Variants in UMAD1 observed in about 807,000 individuals in gnomAD.
UMAD1 encodes UBAP1-MVB12-associated (UMA) domain containing 1.
UMAD1 carries 8 observed loss-of-function variants against 6.1 expected under a neutral mutation model. The observed-to-expected ratio is 1.30, with a 90% CI of 0.76 to 2.35. The LOEUF (loss-of-function observed/expected upper bound fraction) is 2.35. Among genes scored for constraint, UMAD1 ranks in the 30% most tolerant of loss-of-function variants. UMAD1 has a pLI of 0.00. For synonymous variants in UMAD1, 56 were observed against 31.4 expected (o/e 1.78, Z -2.61); for missense variants, 130 against 78.4 (o/e 1.66, Z -2.49).
intron 2 of UMAD1, among the ~76,000 whole-genome samples, chr7:7,696,780 T>C (rs1484499333): frequency 6.6e-6 from 1 of 152,164 alleles, no homozygotes. Context: ...ATTAACTCTA[T>C]AGGTAGGGCC....
chr7:7,836,276 A>G (rs76972562), intron 3 of UMAD1, among the ~76,000 whole-genome samples: 153 of 152,036 alleles, frequency 1.0e-3, no homozygotes, highest in African/African-American at 3.1e-3. Flanking sequence ...AAGCTCTTGG[A>G]TATTTAAAAG....
intron 2 of UMAD1, among the ~76,000 whole-genome samples, chr7:7,781,265 T>C (rs553686108): frequency 3.9e-5 from 6 of 152,294 alleles, no homozygotes; most frequent in African/African-American, 1.4e-4. Context: ...TTCATTTTTG[T>C]TTTAATGAAT....
intron 3 of UMAD1, among the ~76,000 whole-genome samples, chr7:7,817,827 T>C (rs1170854095): frequency 6.6e-6 from 1 of 152,120 alleles, no homozygotes; most frequent in Admixed American, 6.5e-5. Context: ...CACCCCCTTT[T>C]CTTTGAGACA....
At chr7:7,675,507 C>A (rs1020921233) in intron 2 of UMAD1, among the ~76,000 whole-genome samples, 3 of 152,174 alleles carry the variant, frequency 2.0e-5, no homozygotes, top group Admixed American at 2.0e-4. Flanking sequence ...GTATTATCTA[C>A]TATGGATCTC....
intron 2 of UMAD1, among the ~76,000 whole-genome samples, chr7:7,687,657 CT>C (rs1211541183): frequency 6.6e-6 from 1 of 152,200 alleles, no homozygotes; most frequent in African/African-American, 2.4e-5. Flanking sequence ...CTGCCAAACT[CT>C]GGTTGTCAGT....
At chr7:7,788,026 C>A (rs1226872294) in intron 2 of UMAD1, among the ~76,000 whole-genome samples, 1 of 152,162 alleles carries the variant, frequency 6.6e-6, no homozygotes, top group East Asian at 1.9e-4. Flanking sequence ...CGCAATGCAC[C>A]AGTCGGGAAA....
chr7:7,767,193 C>T (rs1421851393), intron 2 of UMAD1, among the ~76,000 whole-genome samples: 3 of 145,100 alleles, frequency 2.1e-5, no homozygotes, highest in Non-Finnish European at 4.5e-5. Flanking sequence ...GGCACAATCT[C>T]GCCTCACTGC....
intron 3 of UMAD1, among the ~76,000 whole-genome samples, chr7:7,843,562 C>T (rs1056197074): frequency 3.9e-5 from 6 of 152,080 alleles, no homozygotes; most frequent in Non-Finnish European, 7.4e-5. Flanking sequence ...AGTATACTAC[C>T]TATAGTTGTC....
At chr7:7,781,690 G>A (rs1016325973) in intron 2 of UMAD1, among the ~76,000 whole-genome samples, 8 of 151,710 alleles carry the variant, frequency 5.3e-5, no homozygotes, top group South Asian at 2.1e-4. Flanking sequence ...TTATAATTTC[G>A]TTATGTGAAA....
At chr7:7,666,846 C>A (rs1263149794) in intron 1 of UMAD1, among the ~76,000 whole-genome samples, 2 of 152,152 alleles carry the variant, frequency 1.3e-5, no homozygotes, top group Non-Finnish European at 2.9e-5. Context: ...ACTCTTGTTG[C>A]CCAGGCTGGA....
chr7:7,799,065 C>T (rs1368425705), intron 2 of UMAD1, among the ~76,000 whole-genome samples: 1 of 152,106 alleles, frequency 6.6e-6, no homozygotes, highest in Non-Finnish European at 1.5e-5. Context: ...TCATATTTCT[C>T]ATACCCATTT....
intron 2 of UMAD1, among the ~76,000 whole-genome samples, chr7:7,758,160 A>T (rs78168462): frequency 0.011 from 1,654 of 152,148 alleles, 27 homozygotes; most frequent in African/African-American, 0.037. Context: ...TCGTTCTGCC[A>T]AGCCTCCCAG....
chr7:7,839,594 C>T (rs1367762024), intron 3 of UMAD1, among the ~76,000 whole-genome samples: 3 of 152,010 alleles, frequency 2.0e-5, no homozygotes, highest in African/African-American at 7.2e-5. Flanking sequence ...GTAAATAGGA[C>T]TTACAATAGC....
intron 3 of UMAD1, among the ~76,000 whole-genome samples, chr7:7,822,556 C>T (rs1332821299): frequency 6.6e-6 from 1 of 152,066 alleles, no homozygotes; most frequent in Non-Finnish European, 1.5e-5. Context: ...AGGTCTATAT[C>T]CCACCAGCAC....
chr7:7,706,570 A>G (rs1190764025), intron 2 of UMAD1, among the ~76,000 whole-genome samples: 1 of 152,224 alleles, frequency 6.6e-6, no homozygotes, highest in Non-Finnish European at 1.5e-5. Context: ...AAAAATGAGG[A>G]ATACAAAACT....
intron 1 of UMAD1, among the ~76,000 whole-genome samples, chr7:7,663,841 C>T (rs1012996): frequency 0.65 from 99,196 of 152,012 alleles, 32,606 homozygotes; most frequent in East Asian, 0.87. Flanking sequence ...TTTTATACAA[C>T]TGATCTCCTA....
At chr7:7,677,451 C>T (rs186835256) in intron 2 of UMAD1, among the ~76,000 whole-genome samples, 174 of 152,070 alleles carry the variant, frequency 1.1e-3, no homozygotes, top group African/African-American at 3.8e-3. Flanking sequence ...TCTCTATCTC[C>T]ATGAGTTCAA....
intron 2 of UMAD1, among the ~76,000 whole-genome samples, chr7:7,716,885 G>A (rs960158860): frequency 6.6e-6 from 1 of 152,090 alleles, no homozygotes; most frequent in Non-Finnish European, 1.5e-5. Context: ...GGCGGAGCAT[G>A]CTATGTAAAT....
chr7:7,848,396 G>T (rs902293563), intron 3 of UMAD1, among the ~76,000 whole-genome samples: 4 of 152,148 alleles, frequency 2.6e-5, no homozygotes, highest in Non-Finnish European at 5.9e-5. Flanking sequence ...GTGTTGGTTG[G>T]TTTCCTGCAG....
Sources: allele counts gnomAD v4.1 joint callset (sites outside exome capture counted in the v4.1 genomes callset), GRCh38; gene constraint gnomAD v4.1.1; transcripts MANE v1.5; gene names NCBI Gene and HGNC (gene_info 2026-07-23, HGNC 2026-07-21).